The following ZNF638 variants were observed in gnomAD, a reference collection of about 807,000 sequenced individuals.
ZNF638 encodes CTCL tumor antigen se33-1.
Under a neutral mutation model 195.6 loss-of-function variants are expected in ZNF638, and 46 were observed. The ratio of observed to expected loss-of-function variants is 0.24; its 90% CI spans 0.19 to 0.30. The LOEUF is 0.30. Among genes scored for constraint, ZNF638 ranks in the 10% least tolerant of loss-of-function variants. The pLI is 1.00. For synonymous variants in ZNF638, 845 were observed against 772.0 expected, an observed-to-expected ratio of 1.09 and a Z score of -1.57; for missense variants, 2,440 against 2,325.3, an observed-to-expected ratio of 1.05 and a Z score of -1.01.
At chr2:71,368,970 G>A (rs2079255481) in intron 7 of ZNF638, among the ~76,000 whole-genome samples, 1 of 152,084 alleles carries the variant, frequency 6.6e-6, no homozygotes, top group African/African-American at 2.4e-5. Flanking sequence ...ATTTTCTGTG[G>A]GTTATATTCC....
intron 20 of ZNF638, among the ~76,000 whole-genome samples, chr2:71,410,897 C>T (rs982774341): frequency 2.6e-5 from 4 of 151,106 alleles, no homozygotes; most frequent in African/African-American, 9.8e-5. Flanking sequence ...TATTGCTAGT[C>T]CAGTGAGTAA....
Position 71,422,991 on chromosome 2 carries a change from C to T in ZNF638, c.3477C>T (p.Asp1159=), listed in dbSNP as rs1446832449. 3 of 1,613,986 alleles carry T rather than the reference C, an allele frequency of 1.9e-6. No individual in the cohort carries two copies. The African/African-American group carries it at 4.0e-5, about 22-fold the overall frequency. ...CTGAAAAAGCAACATGTGATTCTGA[C>T]TTTGCTGTTGAAACTTTGGAGCTTG... ...EEAEKATCDS[D]FAVETLELET... Residue 1159 remains aspartate, a synonymous_variant, in exon 22 of 28, where the codon GAC becomes GAT. Coordinates refer to ENST00000264447, the MANE Select transcript of ZNF638 (RefSeq NM_014497.5).
At position 71,349,935 on chromosome 2, in the gene ZNF638, G is replaced by T. The variant is rs757963022; in HGVS notation, c.981G>T (p.Leu327=). ...QTVSQTMSQS[L]IPPSMNQQPF... The stretch of plus-strand genomic sequence containing the variant: ...TTAGCCAGACAATGAGTCAATCTCT[G>T]ATTCCTCCATCTATGAACCAGCAAC... The change falls in exon 2 of 28, where the codon CTG becomes CTT. Residue 327 remains leucine (L), a synonymous_variant. Coordinates refer to ENST00000264447, the MANE Select transcript of ZNF638 (RefSeq NM_014497.5). The T allele has an allele frequency of 6.2e-7, 1 of 1,614,188 alleles. No homozygotes were observed. The highest frequency in any genetic ancestry group is 2.2e-5 in the East Asian group (1 of 44,892).
intron 8 of ZNF638, among the ~76,000 whole-genome samples, chr2:71,379,344 C>G (rs2104346921): frequency 6.6e-6 from 1 of 152,300 alleles, no homozygotes; most frequent in Non-Finnish European, 1.5e-5. Context: ...GTGCCCTGTT[C>G]TGAGTTAGCA....
intron 1 of ZNF638, among the ~76,000 whole-genome samples, chr2:71,346,376 G>A (rs113700118): frequency 3.9e-5 from 6 of 152,318 alleles, no homozygotes; most frequent in South Asian, 2.1e-4. Flanking sequence ...TAAAAAGACC[G>A]TGAGTTTGTT....
chr2:71,373,346 T>G (rs1005938353), intron 8 of ZNF638, among the ~76,000 whole-genome samples: 2 of 152,074 alleles, frequency 1.3e-5, no homozygotes, highest in Non-Finnish European at 2.9e-5. Context: ...GCATGAATAT[T>G]GTGCATTCTA....
At chr2:71,399,322 C>A (rs1005218476) in intron 12 of ZNF638, among the ~76,000 whole-genome samples, 1 of 152,032 alleles carries the variant, frequency 6.6e-6, no homozygotes, top group Admixed American at 6.6e-5. Flanking sequence ...GTTGGTCTGC[C>A]ACATGAAGGT....
chr2:71,406,793 A>G (rs1299986841), intron 19 of ZNF638, among the ~76,000 whole-genome samples: 3 of 152,124 alleles, frequency 2.0e-5, no homozygotes, highest in Non-Finnish European at 2.9e-5. Flanking sequence ...TGAGCCCAGG[A>G]GTTTGAGACC....
chr2:71,379,548 G>A (rs2079496257), intron 8 of ZNF638: 1 of 152,162 alleles, frequency 6.6e-6, no homozygotes, highest in Non-Finnish European at 1.5e-5. Context: ...TAAAGTGCAA[G>A]TATGGTGATG....
intron 20 of ZNF638, among the ~76,000 whole-genome samples, chr2:71,416,760 G>C (rs1418718299): frequency 1.2e-5 from 1 of 83,036 alleles, no homozygotes; most frequent in Admixed American, 1.4e-4. Flanking sequence ...GTGTGCCCCT[G>C]CTGGGGGGTG....
intron 7 of ZNF638, 121 bp downstream of exon 7, chr2:71,368,649 T>C: frequency 2.8e-6 from 3 of 1,090,660 alleles, no homozygotes. Flanking sequence ...GAGAGTTATA[T>C]AAATGTCTGG....
intron 1 of ZNF638, among the ~76,000 whole-genome samples, chr2:71,339,680 A>G (rs2078731953): frequency 1.3e-5 from 2 of 152,120 alleles, no homozygotes; most frequent in Admixed American, 1.3e-4. Context: ...TTGTTGTTTT[A>G]TGGTGCAGTT....
chr2:71,427,616 C>T (rs2080566053), intron 24 of ZNF638, among the ~76,000 whole-genome samples: 1 of 152,108 alleles, frequency 6.6e-6, no homozygotes, highest in Non-Finnish European at 1.5e-5. Flanking sequence ...GCAGAACTTG[C>T]TCCAGGTTAT....
In ZNF638 at chr2:71,403,887, T is replaced by C. The variant is rs778099144; in HGVS notation, c.2847T>C (p.Asn949=). 2.5e-6 allele frequency: 4 copies of C among 1,577,800 alleles called. No homozygotes were observed. The Admixed American group carries it at 7.1e-5, about 28-fold the overall frequency. The change falls in exon 17 of 28, where the codon AAT becomes AAC. Residue 949 remains asparagine (N), a synonymous_variant. Transcript: ENST00000264447. ...SSHKKAYIEI[N]RKAAESMVKF... ...TTTAAAAGGCATATATAGAAATAAA[T>C]AGAAAAGCTGCTGAGTCTATGGTAA... is the stretch of plus-strand genomic sequence containing the variant.
intron 8 of ZNF638, among the ~76,000 whole-genome samples, chr2:71,370,500 T>C (rs111504817): frequency 4.7e-4 from 71 of 152,350 alleles, no homozygotes; most frequent in African/African-American, 1.7e-3. Context: ...AGATCATTTC[T>C]GTGCTTCAGT....
chr2:71,386,569 A>G (rs1200762532), intron 10 of ZNF638, among the ~76,000 whole-genome samples: 2 of 152,204 alleles, frequency 1.3e-5, no homozygotes, highest in African/African-American at 2.4e-5. Context: ...AAAGTAGGAT[A>G]CACCGTTATT....
At chr2:71,362,241 G>C (rs2079121851) in intron 3 of ZNF638, among the ~76,000 whole-genome samples, 1 of 151,980 alleles carries the variant, frequency 6.6e-6, no homozygotes, top group African/African-American at 2.4e-5. Context: ...ATGTGCCTAA[G>C]ATTCTGTCCT....
At chr2:71,350,407 T>G in intron 2 of ZNF638, 136 bp downstream of exon 2, 1 of 894,374 alleles carries the variant, frequency 1.1e-6, no homozygotes, top group South Asian at 1.6e-5. Context: ...CCTCAATACA[T>G]AGTTGTAATC....
chr2:71,345,783 G>A (rs935787434), intron 1 of ZNF638, among the ~76,000 whole-genome samples: 3 of 152,150 alleles, frequency 2.0e-5, no homozygotes, highest in African/African-American at 4.8e-5. Context: ...TAGGACTACC[G>A]GCGTGAGTGA....
Sources: allele counts gnomAD v4.1 joint callset (sites outside exome capture counted in the v4.1 genomes callset), GRCh38; gene constraint gnomAD v4.1.1; transcripts MANE v1.5; gene names NCBI Gene and HGNC (gene_info 2026-07-23, HGNC 2026-07-21).